NKAIN3: variants seen among roughly 807,000 people sequenced by gnomAD.
The protein encoded by NKAIN3 is sodium/potassium-transporting ATPase subunit beta-1-interacting protein 3.
A neutral mutation model predicts 30.2 loss-of-function variants in NKAIN3; 25 were observed. That is an observed-to-expected ratio of 0.83 (90% confidence interval 0.60 to 1.16). NKAIN3 has a LOEUF of 1.16. Among genes scored for constraint, NKAIN3 ranks in the 50% most tolerant of loss-of-function variants. NKAIN3 has a pLI of 0.00. For missense variants in NKAIN3, 225 were observed against 254.1 expected (o/e 0.89, Z 0.78); for synonymous variants, 91 against 89.6 (o/e 1.02, Z -0.09).
At chr8:62,733,252 A>C (rs1815538465) in intron 3 of NKAIN3, among the ~76,000 whole-genome samples, 1 of 152,122 alleles carries the variant, frequency 6.6e-6, no homozygotes, top group Non-Finnish European at 1.5e-5. Flanking sequence ...TTTGCCTCAT[A>C]AGTTAGGCAT....
chr8:62,635,979 T>C (rs892683812), intron 3 of NKAIN3, among the ~76,000 whole-genome samples: 1 of 152,156 alleles, frequency 6.6e-6, no homozygotes, highest in Non-Finnish European at 1.5e-5. Context: ...CTACACAGAA[T>C]AGACCACTGC....
intron 3 of NKAIN3, among the ~76,000 whole-genome samples, chr8:62,673,754 T>C (rs1813385449): frequency 6.6e-6 from 1 of 152,220 alleles, no homozygotes; most frequent in African/African-American, 2.4e-5. Flanking sequence ...CTATAGGCAG[T>C]TGTAACACAA....
intron 4 of NKAIN3, among the ~76,000 whole-genome samples, chr8:62,857,363 C>A (rs113726358): frequency 0.058 from 8,828 of 152,178 alleles, 837 homozygotes; most frequent in African/African-American, 0.2. Context: ...CTGGAGTTCT[C>A]TGCATTTCCT....
chr8:62,466,048 A>T (rs757811328), intron 1 of NKAIN3, among the ~76,000 whole-genome samples: 2 of 152,070 alleles, frequency 1.3e-5, no homozygotes, highest in Non-Finnish European at 2.9e-5. Context: ...AAGAAAAAAA[A>T]GTTTTGAGAG....
At chr8:62,877,358 G>A (rs1820830741) in intron 4 of NKAIN3, among the ~76,000 whole-genome samples, 1 of 152,250 alleles carries the variant, frequency 6.6e-6, no homozygotes, top group African/African-American at 2.4e-5. Context: ...TCGGAATGGA[G>A]GCACTTAAGG....
intron 3 of NKAIN3, among the ~76,000 whole-genome samples, chr8:62,637,796 C>G (rs1164478423): frequency 1.3e-5 from 2 of 152,024 alleles, no homozygotes; most frequent in Admixed American, 1.3e-4. Context: ...GAGAGTGAGG[C>G]CAACGAGGGG....
rs552037773 is a variant in NKAIN3 at position 62,874,274 on chromosome 8, A to T, written c.472-44179A>T. On this transcript the variant is annotated intron_variant, in intron 4 of 6. Coordinates refer to ENST00000623646, the MANE Select transcript of NKAIN3 (RefSeq NM_001304533.3). ...TGGATGCATACACACTACCAAGACT[A>T]AACCAAGAGGAAGTTGAATCCCTGA... 9.8e-5 allele frequency among the ~76,000 whole-genome samples: 15 copies of T among 152,296 alleles called. No homozygotes were observed. The South Asian group carries it at 3.1e-3, about 32-fold the overall frequency.
intron 1 of NKAIN3, among the ~76,000 whole-genome samples, chr8:62,332,220 A>C (rs1815379640): frequency 6.6e-6 from 1 of 152,102 alleles, no homozygotes; most frequent in African/African-American, 2.4e-5. Context: ...TGCTTAACGG[A>C]CTTCGTTAAA....
chr8:62,919,850 A>G (rs1157538685), intron 5 of NKAIN3, among the ~76,000 whole-genome samples: 1 of 151,988 alleles, frequency 6.6e-6, no homozygotes, highest in Non-Finnish European at 1.5e-5. Flanking sequence ...GATTAAAAGT[A>G]TCAGGCAGTG....
chr8:62,515,929 G>T (rs184453921), intron 1 of NKAIN3, among the ~76,000 whole-genome samples: 75 of 152,000 alleles, frequency 4.9e-4, no homozygotes, highest in Admixed American at 1.4e-3. Context: ...TCTTGATTTG[G>T]GGGTATTTCC....
chr8:62,472,363 C>G (rs1283146966), intron 1 of NKAIN3, among the ~76,000 whole-genome samples: 1 of 152,092 alleles, frequency 6.6e-6, no homozygotes, highest in Non-Finnish European at 1.5e-5. Flanking sequence ...GTCAGCAAGC[C>G]AGGGTTTGAG....
At chr8:62,836,004 C>T (rs1819349601) in intron 4 of NKAIN3, among the ~76,000 whole-genome samples, 1 of 151,916 alleles carries the variant, frequency 6.6e-6, no homozygotes, top group South Asian at 2.1e-4. Context: ...ACTATGCAGG[C>T]ATTAAAAAAA....
At chr8:62,422,949 G>C (rs1303171550) in intron 1 of NKAIN3, among the ~76,000 whole-genome samples, 3 of 152,070 alleles carry the variant, frequency 2.0e-5, no homozygotes, top group Admixed American at 1.3e-4. Context: ...TGTCACTTAT[G>C]CAAAGTGCAT....
rs189628241 is a variant in NKAIN3, at chr8:62,477,037, G to A, written c.55-102502G>A. 3.3e-5 allele frequency among the ~76,000 whole-genome samples: 5 copies of A among 152,260 alleles called. No individual in the cohort carries two copies. The East Asian group carries it at 9.7e-4, about 30-fold the overall frequency. On this transcript the variant is annotated intron_variant, in intron 1 of 6. Coordinates refer to ENST00000623646, the MANE Select transcript of NKAIN3 (RefSeq NM_001304533.3). ...ATTGAGGGAAACATAGGAAGATACA[G>A]GAGCAATCAGAGGAAACTCTTACAG...
At chr8:62,667,856 AT>A (rs905041100) in intron 3 of NKAIN3, among the ~76,000 whole-genome samples, 1 of 152,034 alleles carries the variant, frequency 6.6e-6, no homozygotes, top group African/African-American at 2.4e-5. Flanking sequence ...TTTTACAATC[AT>A]CCACCCACAC....
At chr8:62,831,828 C>T (rs1586246509) in intron 4 of NKAIN3, among the ~76,000 whole-genome samples, 1 of 152,074 alleles carries the variant, frequency 6.6e-6, no homozygotes, top group African/African-American at 2.4e-5. Context: ...CTTAACTCTG[C>T]TAGATGGTCA....
intron 1 of NKAIN3, among the ~76,000 whole-genome samples, chr8:62,490,759 A>G (rs1267244811): frequency 1.3e-5 from 2 of 152,184 alleles, no homozygotes; most frequent in African/African-American, 2.4e-5. Flanking sequence ...AAAAGGCAGC[A>G]TGTCCCTTCA....
chr8:62,565,577 C>T (rs1038744331), intron 1 of NKAIN3, among the ~76,000 whole-genome samples: 67 of 152,158 alleles, frequency 4.4e-4, no homozygotes, highest in African/African-American at 1.5e-3. Context: ...AATGGTCTGG[C>T]CCAACAGTCT....
At chr8:62,691,201 C>T (rs1009786404) in intron 3 of NKAIN3, among the ~76,000 whole-genome samples, 2 of 152,134 alleles carry the variant, frequency 1.3e-5, no homozygotes, top group African/African-American at 4.8e-5. Context: ...CCCATTATCT[C>T]CTACATTGTA....
Sources: allele counts gnomAD v4.1 joint callset (sites outside exome capture counted in the v4.1 genomes callset), GRCh38; gene constraint gnomAD v4.1.1; transcripts MANE v1.5; gene names NCBI Gene and HGNC (gene_info 2026-07-23, HGNC 2026-07-21).